The following SGPP1 variants were observed in gnomAD, a reference collection of about 807,000 sequenced individuals.
SGPP1 encodes the protein sphingosine-1-phosphate phosphatase 1.
A neutral mutation model predicts 33.0 loss-of-function variants in SGPP1; 21 were observed. The observed-to-expected ratio is 0.64, with a 90% confidence interval of 0.45 to 0.92. SGPP1 has a LOEUF of 0.92. Among genes scored for constraint, SGPP1 ranks in the 40% least tolerant of loss-of-function variants. SGPP1 has a pLI of 0.00. For synonymous variants in SGPP1, 239 were observed against 241.2 expected (o/e 0.99, Z 0.08); for missense variants, 543 against 589.4 (o/e 0.92, Z 0.81).
chr14:63,697,953 G>T (rs78019066), intron 2 of SGPP1, among the ~76,000 whole-genome samples: 1 of 152,150 alleles, frequency 6.6e-6, no homozygotes, highest in Non-Finnish European at 1.5e-5. Context: ...CAGTAATCTG[G>T]TCAAGATATG....
At chr14:63,718,228 A>C (rs1176972314) in intron 1 of SGPP1, among the ~76,000 whole-genome samples, 3 of 151,824 alleles carry the variant, frequency 2.0e-5, no homozygotes, top group African/African-American at 7.3e-5. Flanking sequence ...ATCCTGGGGA[A>C]CAGCGCAAGA....
At position 63,685,565 on chromosome 14, in the gene SGPP1, A is replaced by C. The variant is rs921011269; in HGVS notation, c.*540T>G. The C allele has an allele frequency of 1.3e-5, 2 of 152,474 alleles. No homozygotes were observed. The highest frequency in any genetic ancestry group is 6.5e-5 in the Admixed American group (1 of 15,272). 9.4% of individuals were successfully genotyped at this position (152,474 alleles called of 1,614,324 possible). A position where few individuals can be genotyped will look rare whatever the true frequency, so the allele number is the denominator to read the frequency against. Reference sequence around the variant, plus strand: ...TAATGGCAGTGTAAAAACAGGCAGTAAATCAATGTATAGTAGCATATGCAT... The same window carrying C: ...TAATGGCAGTGTAAAAACAGGCAGTCAATCAATGTATAGTAGCATATGCAT... On this transcript the variant is annotated 3_prime_UTR_variant, in exon 3 of 3. Coordinates refer to ENST00000247225, the MANE Select transcript of SGPP1 (RefSeq NM_030791.4).
Position 63,728,024 on chromosome 14 carries a change from G to A in SGPP1, c.-80C>T, listed in dbSNP as rs1445041749. 2 of 1,407,640 alleles carry A rather than the reference G, an allele frequency of 1.4e-6. No individual in the cohort carries two copies. Among genetic ancestry groups the A allele is most frequent in the South Asian group, 1.4e-5 (1 of 69,690 alleles). 87.2% of individuals were successfully genotyped at this position (1,407,640 alleles called of 1,614,324 possible). A position where few individuals can be genotyped will look rare whatever the true frequency, so the allele number is the denominator to read the frequency against. ...CCCGCGCTCCTGGCCAGCGGCAGCG[G>A]AACCGGCACAGCGCTCTACCCTCCG... On this transcript the variant is annotated 5_prime_UTR_variant, in exon 1 of 3. Coordinates refer to ENST00000247225, the MANE Select transcript of SGPP1 (RefSeq NM_030791.4).
intron 1 of SGPP1, among the ~76,000 whole-genome samples, chr14:63,725,947 C>G (rs1387941107): frequency 6.6e-6 from 1 of 152,168 alleles, no homozygotes; most frequent in Non-Finnish European, 1.5e-5. Context: ...ATGAAAACTT[C>G]GAGATATTTA....
chr14:63,685,991 T>C lies in SGPP1; in HGVS notation c.*114A>G. ...GACTCTTATGAATTTACTTAAATAA[T>C]TATTTAAGTTAAATTCCTGCAAAAG... On this transcript the variant is annotated 3_prime_UTR_variant, in exon 3 of 3. Coordinates refer to ENST00000247225, the MANE Select transcript of SGPP1 (RefSeq NM_030791.4). 3.3e-6 allele frequency: 2 copies of C among 601,714 alleles called. No individual in the cohort carries two copies. Among genetic ancestry groups the C allele is most frequent in the East Asian group, 5.9e-5 (2 of 34,106 alleles). The allele number at this position is 601,714 out of a possible 1,614,324, so 37.3% of individuals were successfully genotyped here. A position where few individuals can be genotyped will look rare whatever the true frequency, so the allele number is the denominator to read the frequency against.
chr14:63,709,614 T>C (rs17101374), intron 1 of SGPP1, among the ~76,000 whole-genome samples: 16,581 of 152,218 alleles, frequency 0.11, 2,099 homozygotes, highest in African/African-American at 0.31. Flanking sequence ...GCTGTATCTG[T>C]GGCATTTATG....
At chr14:63,711,460 T>C (rs1342152199) in intron 1 of SGPP1, among the ~76,000 whole-genome samples, 2 of 152,150 alleles carry the variant, frequency 1.3e-5, no homozygotes, top group Non-Finnish European at 2.9e-5. Flanking sequence ...GGTCATGCAG[T>C]TGTAGGGGCT....
chr14:63,694,439 C>T (rs745786621), intron 2 of SGPP1, among the ~76,000 whole-genome samples: 15 of 151,806 alleles, frequency 9.9e-5, no homozygotes, highest in Admixed American at 5.9e-4. Context: ...TATAGCTCCA[C>T]GAGTATTAAA....
chr14:63,710,327 A>C (rs1885497880), intron 1 of SGPP1, among the ~76,000 whole-genome samples: 1 of 152,198 alleles, frequency 6.6e-6, no homozygotes, highest in South Asian at 2.1e-4. Context: ...GTTTGTCATA[A>C]AATTATTGAT....
chr14:63,694,131 A>G (rs1036318470), intron 2 of SGPP1, among the ~76,000 whole-genome samples: 1 of 152,086 alleles, frequency 6.6e-6, no homozygotes, highest in South Asian at 2.1e-4. Flanking sequence ...AAGAAAAAAT[A>G]GAAAAATCAG....
At chr14:63,726,318 G>A (rs577701071) in intron 1 of SGPP1, among the ~76,000 whole-genome samples, 2 of 152,220 alleles carry the variant, frequency 1.3e-5, no homozygotes, top group East Asian at 1.9e-4. Context: ...TAAAATAAGG[G>A]ACTGGTCTGC....
chr14:63,684,780 AG>A lies in SGPP1; in HGVS notation c.*1324del, dbSNP rs1286842110. 6.6e-6 allele frequency: 1 copy of A among 152,504 alleles called. No individual in the cohort carries two copies. The highest frequency in any genetic ancestry group is 1.5e-5 in the Non-Finnish European group (1 of 67,900). 9.4% of individuals were successfully genotyped at this position (152,504 alleles called of 1,614,324 possible). A position where few individuals can be genotyped will look rare whatever the true frequency, so the allele number is the denominator to read the frequency against. On this transcript the variant is annotated 3_prime_UTR_variant, in exon 3 of 3. Transcript: ENST00000247225. Reference sequence around the variant, plus strand: ...CACACTTCAAAATATAAAGGTAGACAGAAAAAAGAATAGTTTAATACTATAC... The same window carrying A: ...CACACTTCAAAATATAAAGGTAGACAAAAAAAGAATAGTTTAATACTATAC...
At chr14:63,721,734 C>G (rs1324158318) in intron 1 of SGPP1, among the ~76,000 whole-genome samples, 1 of 152,122 alleles carries the variant, frequency 6.6e-6, no homozygotes, top group Non-Finnish European at 1.5e-5. Flanking sequence ...AACATTTTGA[C>G]AGAATATTCT....
rs760581481 is a variant in SGPP1, at chr14:63,727,429, G to A, written c.516C>T (p.Tyr172=). 1.2e-6 allele frequency: 2 copies of A among 1,614,106 alleles called. No individual in the cohort carries two copies. The highest frequency in any genetic ancestry group is 1.6e-4 in the Middle Eastern group (1 of 6,062). Residue 172 remains tyrosine (Y), a synonymous_variant, in exon 1 of 3, where the codon TAC becomes TAT. Transcript: ENST00000247225. The part of the protein sequence containing the change: ...RLVVIWVLVM[Y]LGQCTKDIIR... ...TGATGTCCTTGGTGCACTGGCCCAG[G>A]TACATGACCAGCACCCAGATGACCA...
chr14:63,711,466 G>A (rs917300644), intron 1 of SGPP1, among the ~76,000 whole-genome samples: 5 of 152,116 alleles, frequency 3.3e-5, no homozygotes, highest in Admixed American at 3.3e-4. Flanking sequence ...GCAGTTGTAG[G>A]GGCTGGCAAG....
At position 63,711,295 on chromosome 14, in the gene SGPP1, G is replaced by A. The variant is rs535284593; in HGVS notation, c.685-12637C>T. ...CTCCCAAAGTGCTGGGATTACAGGC[G>A]TGAGCCACTGCACCTGGCCATTAAG... On this transcript the variant is annotated intron_variant, in intron 1 of 2. Transcript: ENST00000247225. Among the ~76,000 whole-genome samples, 38 of 152,248 alleles carry A rather than the reference G, an allele frequency of 2.5e-4. 1 individual carries two copies. In the Middle Eastern group the frequency reaches 0.017, roughly 68 times the overall value.
At chr14:63,725,200 A>G (rs907457129) in intron 1 of SGPP1, among the ~76,000 whole-genome samples, 1 of 152,126 alleles carries the variant, frequency 6.6e-6, no homozygotes, top group Non-Finnish European at 1.5e-5. Flanking sequence ...CAGTGAAACC[A>G]CATCTCTACT....
intron 1 of SGPP1, among the ~76,000 whole-genome samples, chr14:63,710,790 A>G (rs1311239775): frequency 6.6e-6 from 1 of 152,176 alleles, no homozygotes; most frequent in Non-Finnish European, 1.5e-5. Context: ...TAGCTTCCCT[A>G]TAGGTAAGGG....
Position 63,720,617 on chromosome 14 carries a change from G to A in SGPP1, c.684+6644C>T, listed in dbSNP as rs142841541. Among the ~76,000 whole-genome samples, 119 of 152,080 alleles carry A rather than the reference G, an allele frequency of 7.8e-4. 3 individuals carry two copies. In the East Asian group the frequency reaches 0.012, roughly 15 times the overall value. The stretch of plus-strand genomic sequence containing the variant: ...CTACTAAAAATTAAAAAAATTAGCC[G>A]GGCGTGATGGTGGACGCCTGTAATC... On this transcript the variant is annotated intron_variant, in intron 1 of 2. Coordinates refer to ENST00000247225, the MANE Select transcript of SGPP1 (RefSeq NM_030791.4).
Sources: allele counts gnomAD v4.1 joint callset (sites outside exome capture counted in the v4.1 genomes callset), GRCh38; gene constraint gnomAD v4.1.1; transcripts MANE v1.5; gene names NCBI Gene and HGNC (gene_info 2026-07-23, HGNC 2026-07-21).